Variants in EPB41L5 observed in about 807,000 individuals in gnomAD.
The protein encoded by EPB41L5 is band 4.1-like protein 5.
A neutral mutation model predicts 106.6 loss-of-function variants in EPB41L5; 55 were observed. That is an observed-to-expected ratio of 0.52 (90% confidence interval 0.42 to 0.65). The LOEUF (loss-of-function observed/expected upper bound fraction) is 0.65. Ranked by LOEUF, EPB41L5 falls within the 30% of genes least tolerant of loss-of-function variation. The probability of loss-of-function intolerance (pLI) is 0.00; values close to 1 mark genes in which losing one functional copy is unlikely to be tolerated. For missense variants in EPB41L5, 871 were observed against 882.1 expected, an observed-to-expected ratio of 0.99 and a Z score of 0.16; for synonymous variants, 297 against 306.7, an observed-to-expected ratio of 0.97 and a Z score of 0.33.
chr2:120,058,499 A>T (rs1224692978), intron 3 of EPB41L5, among the ~76,000 whole-genome samples: 4 of 152,360 alleles, frequency 2.6e-5, no homozygotes, highest in Admixed American at 1.3e-4. Flanking sequence ...TGATAGGGAT[A>T]GAGACAGAGA....
rs529215598 is a variant in EPB41L5, at chr2:120,130,817, T to C, written c.1502-801T>C. Among the ~76,000 whole-genome samples, 526 of 152,326 alleles carry C rather than the reference T, an allele frequency of 3.5e-3. 1 individual carries two copies. The highest frequency in any genetic ancestry group is 6.1e-3 in the Non-Finnish European group (415 of 68,028). On this transcript the variant is annotated intron_variant, in intron 17 of 24. Transcript: ENST00000263713. ...CCACTCAGTTAATTGATGGCCACTT[T>C]TAGAAGATCCCTTTGACCCAGAGGA... is the stretch of plus-strand genomic sequence containing the variant.
chr2:120,024,711 G>A lies in EPB41L5; in HGVS notation c.180+5447G>A, dbSNP rs1382693798. 1.3e-5 allele frequency among the ~76,000 whole-genome samples: 2 copies of A among 152,052 alleles called. 1 individual carries two copies. The highest frequency in any genetic ancestry group is 4.2e-4 in the South Asian group (2 of 4,814). ...CCTGACCTCATGATCCGCCCACTTC[G>A]GCCTCCCAAAGTGCTGGAATTACAG... On this transcript the variant is annotated intron_variant, in intron 2 of 24. Transcript: ENST00000263713.
intron 3 of EPB41L5, among the ~76,000 whole-genome samples, chr2:120,056,759 A>T (rs766591681): frequency 6.6e-6 from 1 of 151,564 alleles, no homozygotes; most frequent in African/African-American, 2.4e-5. Context: ...TTTTTGGAAA[A>T]TCTTGTGAAG....
intron 14 of EPB41L5, 72 bp from the exon 15 acceptor site, chr2:120,100,172 T>C: frequency 9.2e-7 from 1 of 1,088,602 alleles, no homozygotes; most frequent in Non-Finnish European, 1.4e-6. Flanking sequence ...TATTAGTGTA[T>C]GTGTTATCTT....
chr2:120,018,851 G>A (rs2105119096), intron 1 of EPB41L5, among the ~76,000 whole-genome samples: 1 of 152,138 alleles, frequency 6.6e-6, no homozygotes, highest in East Asian at 1.9e-4. Context: ...TCACTATGTT[G>A]CCCAGGCTGG....
chr2:120,064,014 A>T (rs1681272761), intron 3 of EPB41L5, among the ~76,000 whole-genome samples: 3 of 152,130 alleles, frequency 2.0e-5, no homozygotes, highest in African/African-American at 7.2e-5. Flanking sequence ...ACAGTGGAAG[A>T]TATATTTTAA....
chr2:120,167,520 T>C lies in EPB41L5; in HGVS notation c.2004+13T>C. 1 of 1,613,454 alleles carries C rather than the reference T, an allele frequency of 6.2e-7. No homozygotes were observed. The highest frequency in any genetic ancestry group is 8.5e-7 in the Non-Finnish European group (1 of 1,179,356). On this transcript the variant is annotated intron_variant, in intron 23 of 24. Transcript: ENST00000263713. ...GTGGATTGTTCCGGTAAGTTCATGTTATTTGTGATTTTTCTTCTGGCTACC... is the reference window on the plus strand; with the variant it reads ...GTGGATTGTTCCGGTAAGTTCATGTCATTTGTGATTTTTCTTCTGGCTACC...
intron 16 of EPB41L5, among the ~76,000 whole-genome samples, chr2:120,121,010 G>A (rs988209216): frequency 1.3e-5 from 2 of 152,106 alleles, no homozygotes; most frequent in Non-Finnish European, 2.9e-5. Context: ...CCAGCCACTG[G>A]TGAGGATAAG....
chr2:120,164,173 G>A lies in EPB41L5; in HGVS notation c.1888-663G>A, dbSNP rs566604215. Among the ~76,000 whole-genome samples, 14 of 151,372 alleles carry A rather than the reference G, an allele frequency of 9.2e-5. No individual in the cohort carries two copies. In the Middle Eastern group the frequency reaches 0.017, roughly 185 times the overall value. On this transcript the variant is annotated intron_variant, in intron 21 of 24. Coordinates refer to ENST00000263713, the MANE Select transcript of EPB41L5 (RefSeq NM_020909.4). ...AATTTTGTGTATTTTTAGTAGAGACGGAGTTTCACCGTGTTAGCCAGGAGT... is the reference window on the plus strand; with the variant it reads ...AATTTTGTGTATTTTTAGTAGAGACAGAGTTTCACCGTGTTAGCCAGGAGT...
intron 3 of EPB41L5, 95 bp downstream of exon 3, chr2:120,042,205 G>A: frequency 1.1e-6 from 1 of 887,858 alleles, no homozygotes; most frequent in Admixed American, 2.0e-5. Context: ...TATTCTTGAT[G>A]TGTTATTGTG....
intron 13 of EPB41L5, 58 bp from the exon 14 acceptor site, chr2:120,093,191 G>T (rs1191575748): frequency 5.7e-6 from 8 of 1,397,966 alleles, no homozygotes; most frequent in African/African-American, 1.4e-5. Context: ...TTTGAATAGT[G>T]CAGCAGTTTA....
chr2:120,170,314 C>T (rs1409991741), intron 24 of EPB41L5, among the ~76,000 whole-genome samples: 2 of 152,234 alleles, frequency 1.3e-5, no homozygotes, highest in East Asian at 3.8e-4. Flanking sequence ...TTCTGTGGCT[C>T]AGGAATCTGG....
chr2:120,103,097 C>T lies in EPB41L5; in HGVS notation c.1337+2283C>T, dbSNP rs919835104. On this transcript the variant is annotated intron_variant, in intron 16 of 24. Transcript: ENST00000263713. ...TTTAGTTAATTTATTTTCAGTTTCC[C>T]TAAGGGATAAAGGTGAAGATTAATG... Among the ~76,000 whole-genome samples, 41 of 152,050 alleles carry T rather than the reference C, an allele frequency of 2.7e-4. 1 individual carries two copies. Among genetic ancestry groups the T allele is most frequent in the African/African-American group, 8.0e-4 (33 of 41,398 alleles).
At chr2:120,078,740 C>T (rs1682425795) in intron 10 of EPB41L5, among the ~76,000 whole-genome samples, 159 bp downstream of exon 10, 1 of 152,152 alleles carries the variant, frequency 6.6e-6, no homozygotes, top group Non-Finnish European at 1.5e-5. Context: ...ATTATTCCTA[C>T]TCTCCAGAGG....
chr2:120,052,790 G>A (rs915977754), intron 3 of EPB41L5, among the ~76,000 whole-genome samples: 1 of 152,086 alleles, frequency 6.6e-6, no homozygotes, highest in Non-Finnish European at 1.5e-5. Context: ...CCAGATTTAG[G>A]GAATATGTGT....
intron 3 of EPB41L5, among the ~76,000 whole-genome samples, chr2:120,070,493 C>T (rs972126745): frequency 6.6e-6 from 1 of 152,174 alleles, no homozygotes; most frequent in Non-Finnish European, 1.5e-5. Context: ...AGGCCAGCAT[C>T]ATCCTGTTAC....
rs768314112 is a variant in EPB41L5 at position 120,021,013 on chromosome 2, C to G, written c.180+1749C>G. ...TCTCATGGGGACAATTGTAGTGAAA[C>G]AGCTGGAGATATAGATTGGACTTTT... is the stretch of plus-strand genomic sequence containing the variant. On this transcript the variant is annotated intron_variant, in intron 2 of 24. Transcript: ENST00000263713. 2.8e-4 allele frequency among the ~76,000 whole-genome samples: 43 copies of G among 152,242 alleles called. No homozygotes were observed. In the Middle Eastern group the frequency reaches 0.01, roughly 36 times the overall value.
intron 21 of EPB41L5, among the ~76,000 whole-genome samples, chr2:120,163,643 T>TA (rs1687244571): frequency 6.6e-6 from 1 of 150,804 alleles, no homozygotes; most frequent in Non-Finnish European, 1.5e-5. Context: ...TACAGAGTAG[T>TA]ACCATTCTCA....
chr2:120,093,319 G>T lies in EPB41L5; in HGVS notation c.1178+43G>T, dbSNP rs970851992. On this transcript the variant is annotated intron_variant, in intron 14 of 24. Coordinates refer to ENST00000263713, the MANE Select transcript of EPB41L5 (RefSeq NM_020909.4). The stretch of plus-strand genomic sequence containing the variant: ...ACTTAGGAATTGGTATAGAATTTGG[G>T]ATTTATGTAGTTGCTATCATTAAAC... 10 of 1,541,950 alleles carry T rather than the reference G, an allele frequency of 6.5e-6. No individual in the cohort carries two copies. The African/African-American group carries it at 8.2e-5, about 13-fold the overall frequency.
Sources: allele counts gnomAD v4.1 joint callset (sites outside exome capture counted in the v4.1 genomes callset), GRCh38; gene constraint gnomAD v4.1.1; transcripts MANE v1.5; gene names NCBI Gene and HGNC (gene_info 2026-07-23, HGNC 2026-07-21).